LCP1: variants seen among roughly 807,000 people sequenced by gnomAD.
LCP1 encodes lymphocyte cytosolic protein 1.
LCP1 carries 23 observed loss-of-function variants against 72.0 expected under a neutral mutation model. The ratio of observed to expected loss-of-function variants is 0.32; its 90% CI spans 0.23 to 0.45. The LOEUF is 0.45. LCP1 is among the 20% of genes least tolerant of loss of function. The pLI is 1.00. For missense variants in LCP1, 571 were observed against 748.3 expected (o/e 0.76, Z 2.76); for synonymous variants, 245 against 275.4 (o/e 0.89, Z 1.09).
At chr13:46,158,379 C>T in intron 4 of LCP1, 143 bp downstream of exon 4, 1 of 803,672 alleles carries the variant, frequency 1.2e-6, no homozygotes, top group East Asian at 2.6e-5. Context: ...GTACCCAGAA[C>T]TGACCCACTT....
At chr13:46,172,356 T>C (rs966068838) in intron 1 of LCP1, among the ~76,000 whole-genome samples, 15 of 151,960 alleles carry the variant, frequency 9.9e-5, no homozygotes, top group Non-Finnish European at 2.1e-4. Context: ...TGGTGATGGG[T>C]GCCTGTAATC....
chr13:46,147,653 AT>A (rs1371678030), intron 9 of LCP1, among the ~76,000 whole-genome samples: 1 of 152,200 alleles, frequency 6.6e-6, no homozygotes, highest in Non-Finnish European at 1.5e-5. Flanking sequence ...ATTGATAAAT[AT>A]ATAATATCAA....
rs1251658137 is a variant in LCP1 at position 46,127,276 on chromosome 13, G to A, written c.*315C>T. On this transcript the variant is annotated 3_prime_UTR_variant, in exon 16 of 16. Transcript: ENST00000323076. ...AGATTATATCAAAATTAATACCACT[G>A]CAGCTTCTATCCTTGGCTAATGGCA... is the stretch of plus-strand genomic sequence containing the variant. 1 of 293,846 alleles carries A rather than the reference G, an allele frequency of 3.4e-6. No individual in the cohort carries two copies. The highest frequency in any genetic ancestry group is 6.4e-6 in the Non-Finnish European group (1 of 156,902). The allele number at this position is 293,846 out of a possible 1,614,324, so 18.2% of individuals were successfully genotyped here.
Position 46,159,672 on chromosome 13 carries a change from C to T in LCP1, c.-10G>A. 3 of 1,609,950 alleles carry T rather than the reference C, an allele frequency of 1.9e-6. No homozygotes were observed. The highest frequency in any genetic ancestry group is 2.6e-6 in the Non-Finnish European group (3 of 1,176,282). The stretch of plus-strand genomic sequence containing the variant: ...CTGATCCTCTGGCCATTTTTTATTG[C>T]TTTAGGTAACAGATCTGGAGAGAAG... On this transcript the variant is annotated 5_prime_UTR_variant, in exon 2 of 16. Coordinates refer to ENST00000323076, the MANE Select transcript of LCP1 (RefSeq NM_002298.5).
At chr13:46,176,723 T>C (rs767213765) in intron 1 of LCP1, among the ~76,000 whole-genome samples, 26 of 152,336 alleles carry the variant, frequency 1.7e-4, no homozygotes, top group Non-Finnish European at 3.1e-4. Flanking sequence ...ATCTGGGAGA[T>C]TGCAATTCAC....
At chr13:46,142,034 G>A (rs1216478626) in intron 13 of LCP1, among the ~76,000 whole-genome samples, 1 of 151,600 alleles carries the variant, frequency 6.6e-6, no homozygotes, top group East Asian at 1.9e-4. Context: ...ACTTTATAAG[G>A]ACAAAGGGAT....
At chr13:46,150,737 G>C (rs936991833) in intron 8 of LCP1, among the ~76,000 whole-genome samples, 199 bp downstream of exon 8, 1 of 152,094 alleles carries the variant, frequency 6.6e-6, no homozygotes, top group Non-Finnish European at 1.5e-5. Flanking sequence ...ACTGCACTAG[G>C]ACTCTGGGCA....
chr13:46,150,555 A>G (rs775132972), intron 8 of LCP1, among the ~76,000 whole-genome samples: 2 of 152,216 alleles, frequency 1.3e-5, no homozygotes, highest in Admixed American at 6.5e-5. Flanking sequence ...TAGAAGAGTC[A>G]TCTTCATTTA....
intron 8 of LCP1, among the ~76,000 whole-genome samples, chr13:46,150,538 G>T (rs2045757376): frequency 6.6e-6 from 1 of 152,180 alleles, no homozygotes; most frequent in African/African-American, 2.4e-5. Flanking sequence ...GCTGTTATTA[G>T]TATAACTAGA....
intron 1 of LCP1, among the ~76,000 whole-genome samples, chr13:46,164,184 G>A (rs2045863610): frequency 6.6e-6 from 1 of 152,220 alleles, no homozygotes; most frequent in Non-Finnish European, 1.5e-5. Flanking sequence ...AGATTTTAGA[G>A]CGCTATCAGC....
intron 10 of LCP1, 59 bp downstream of exon 10, chr13:46,146,849 G>T: frequency 6.6e-7 from 1 of 1,523,432 alleles, no homozygotes; most frequent in Non-Finnish European, 9.1e-7. Context: ...AGTTTGAATT[G>T]CCATTGAATT....
At chr13:46,167,978 A>G (rs1338124468) in intron 1 of LCP1, among the ~76,000 whole-genome samples, 1 of 152,254 alleles carries the variant, frequency 6.6e-6, no homozygotes, top group Non-Finnish European at 1.5e-5. Context: ...ATAAAACTAG[A>G]TAAGTGTAAG....
At chr13:46,141,423 A>G (rs1441210930) in intron 13 of LCP1, among the ~76,000 whole-genome samples, 11 of 150,728 alleles carry the variant, frequency 7.3e-5, no homozygotes, top group South Asian at 2.1e-4. Flanking sequence ...AAAAAAAAAA[A>G]AAAGAAACAA....
At chr13:46,154,674 T>TGAC (rs2045789393) in intron 6 of LCP1, 131 bp downstream of exon 6, 1 of 687,248 alleles carries the variant, frequency 1.5e-6, no homozygotes, top group African/African-American at 1.8e-5. Flanking sequence ...CCCTGAAGTA[T>TGAC]GACAAGTCAC....
At chr13:46,142,839 C>G (rs1381808493) in intron 12 of LCP1, 1 of 449,394 alleles carries the variant, frequency 2.2e-6, no homozygotes, top group Non-Finnish European at 4.4e-6. Flanking sequence ...TGTAGCTACG[C>G]ATGGATCATT....
In LCP1 at chr13:46,147,012, C is replaced by A. The variant is rs759151052; in HGVS notation, c.1070G>T (p.Arg357Leu). The change falls in exon 10 of 16, where the codon CGA (arginine) becomes CTA (leucine). Residue 357 changes from arginine (R) to leucine (L), a missense_variant. Coordinates refer to ENST00000323076, the MANE Select transcript of LCP1 (RefSeq NM_002298.5). ...AGCCAAGTTCAACTTGGGGTTCCCTCGGACAACATCTGTGGCTGTGACAAA... is the reference window on the plus strand; with the variant it reads ...AGCCAAGTTCAACTTGGGGTTCCCTAGGACAACATCTGTGGCTGTGACAAA... ...RQFVTATDVV[R>L]GNPKLNLAFI... 1 of 1,613,960 alleles carries A rather than the reference C, an allele frequency of 6.2e-7. No homozygotes were observed. The highest frequency in any genetic ancestry group is 1.3e-5 in the African/African-American group (1 of 74,892).
At position 46,130,931 on chromosome 13, in the gene LCP1, T is replaced by C. The variant is rs769502119; in HGVS notation, c.1634A>G (p.Lys545Arg). 2.7e-5 allele frequency: 44 copies of C among 1,604,362 alleles called. No individual in the cohort carries two copies. Among genetic ancestry groups the C allele is most frequent in the Non-Finnish European group, 3.7e-5 (43 of 1,176,732 alleles). ...SSSISSFKDP[K>R]ISTSLPVLDL... ...CAGAACAGGCAGACTTGTACTAATC[T>C]TCGGGTCCTATGCAGAGACACAGGG... The change falls in exon 15 of 16, where the codon AAG becomes AGG. Residue 545 changes from lysine (K) to arginine (R), a missense_variant. Physicochemically the swap from Lys to Arg is conservative, Grantham distance 26. Transcript: ENST00000323076.
intron 14 of LCP1, among the ~76,000 whole-genome samples, chr13:46,131,988 G>A (rs1485780606): frequency 4.0e-5 from 5 of 124,558 alleles, no homozygotes; most frequent in African/African-American, 1.6e-4. Flanking sequence ...ACCTGCAAAT[G>A]TACTCTCTGA....
chr13:46,140,225 C>T (rs1242700451), intron 13 of LCP1, among the ~76,000 whole-genome samples: 1 of 152,194 alleles, frequency 6.6e-6, no homozygotes, highest in Non-Finnish European at 1.5e-5. Context: ...CAGCGGCCTT[C>T]AGAGGGTTTC....
Sources: gnomAD v4.1 joint callset for allele counts (sites outside exome capture counted in the v4.1 genomes callset) on GRCh38, gnomAD v4.1.1 for gene constraint, MANE v1.5 for transcripts, NCBI Gene and HGNC (gene_info 2026-07-23, HGNC 2026-07-21) for gene names.